Variants in NHS observed in about 807,000 individuals in gnomAD.
NHS encodes the protein actin remodeling regulator NHS.
Under a neutral mutation model 72.5 loss-of-function variants are expected in NHS, and 5 were observed. That is an observed-to-expected ratio of 0.07 (90% CI 0.04 to 0.14). NHS has a LOEUF of 0.14. Ranked by LOEUF, NHS falls within the 10% of genes least tolerant of loss-of-function variation. The probability of loss-of-function intolerance (pLI) is 1.00; values close to 1 mark genes in which losing one functional copy is unlikely to be tolerated. For synonymous variants in NHS, 464 were observed against 547.7 expected (o/e 0.85, Z 2.13); for missense variants, 1,072 against 1,355.7 (o/e 0.79, Z 3.29).
chrX:17,451,642 C>T (rs974024513), intron 1 of NHS, among the ~76,000 whole-genome samples: 32 of 111,891 alleles, frequency 2.9e-4, no homozygotes, highest in African/African-American at 1.0e-3. Flanking sequence ...GGTCAGCTGA[C>T]TCCAGTTCTA....
At position 17,717,747 on chromosome X, in the gene NHS, A is replaced by G. The variant is rs956674021; in HGVS notation, c.853-1597A>G. Among the ~76,000 whole-genome samples the G allele has an allele frequency of 7.1e-5, 8 of 112,173 alleles. No individual in the cohort carries two copies. The Admixed American group carries it at 7.5e-4, about 11-fold the overall frequency. On this transcript the variant is annotated intron_variant, in intron 3 of 8. Transcript: ENST00000676302. Reference sequence around the variant, plus strand: ...GTGCAGGGCCCTATGGGACTGCTACACAGATCACACACTCATGAAATTGGC... The same window carrying G: ...GTGCAGGGCCCTATGGGACTGCTACGCAGATCACACACTCATGAAATTGGC...
intron 1 of NHS, among the ~76,000 whole-genome samples, chrX:17,573,429 G>T (rs986819048): frequency 1.7e-4 from 18 of 108,774 alleles, no homozygotes; most frequent in Non-Finnish European, 2.9e-4. Context: ...TCATTAATTT[G>T]ATCTTCAATC....
chrX:17,679,115 G>A (rs1389914381), intron 1 of NHS, among the ~76,000 whole-genome samples: 1 of 109,980 alleles, frequency 9.1e-6, no homozygotes, highest in Non-Finnish European at 1.9e-5. Context: ...CTAAGGTTGT[G>A]CCCTCCCCCA....
chrX:17,504,561 A>G (rs2065048345), intron 1 of NHS, among the ~76,000 whole-genome samples: 1 of 111,443 alleles, frequency 9.0e-6, no homozygotes, highest in African/African-American at 3.3e-5. Flanking sequence ...CTTCCCATAT[A>G]TTCTTGGGCT....
chrX:17,453,147 C>T (rs1209389753), intron 1 of NHS, among the ~76,000 whole-genome samples: 1 of 110,761 alleles, frequency 9.0e-6, no homozygotes, highest in Non-Finnish European at 1.9e-5. Context: ...CTCCCCCCAC[C>T]ACCAAAAATT....
At chrX:17,532,662 A>C (rs1376992556) in intron 1 of NHS, among the ~76,000 whole-genome samples, 1 of 111,742 alleles carries the variant, frequency 8.9e-6, no homozygotes, top group Non-Finnish European at 1.9e-5. Flanking sequence ...TGCCAACATT[A>C]TTGGAAGAAA....
intron 1 of NHS, chrX:17,586,407 T>C (rs1037511989): frequency 1.8e-5 from 2 of 111,880 alleles, no homozygotes; most frequent in Admixed American, 9.5e-5. Flanking sequence ...CTCAAACACA[T>C]ACAAAGGAAA....
intron 1 of NHS, among the ~76,000 whole-genome samples, chrX:17,378,260 G>A (rs1397799161): frequency 8.9e-6 from 1 of 111,801 alleles, no homozygotes; most frequent in Non-Finnish European, 1.9e-5. Context: ...AGTTAGTAGA[G>A]ATAAGAGAGG....
chrX:17,670,031 A>G (rs911978303), intron 1 of NHS, among the ~76,000 whole-genome samples: 1 of 111,314 alleles, frequency 9.0e-6, no homozygotes, highest in Admixed American at 9.5e-5. Flanking sequence ...TTCGCAGAAA[A>G]CCCCATCACA....
At chrX:17,605,075 C>T (rs1318954291) in intron 1 of NHS, among the ~76,000 whole-genome samples, 2 of 112,010 alleles carry the variant, frequency 1.8e-5, no homozygotes, top group Non-Finnish European at 3.8e-5. Flanking sequence ...TCTGCTCTTA[C>T]ACTGACATAA....
intron 1 of NHS, among the ~76,000 whole-genome samples, chrX:17,425,568 A>AAAAAAAAAAAAAAAAAAAAAAAAAG (rs2064651928): frequency 3.9e-5 from 3 of 77,076 alleles, no homozygotes; most frequent in East Asian, 4.3e-4. Flanking sequence ...AAAAAAAAAA[A>AAAAAAAAAAAAAAAAAAAAAAAAAG]AAAGAAAGAA....
At chrX:17,399,110 T>TA (rs1343043935) in intron 1 of NHS, among the ~76,000 whole-genome samples, 1 of 106,639 alleles carries the variant, frequency 9.4e-6, no homozygotes, top group Non-Finnish European at 1.9e-5. Context: ...TTTTCTTTTC[T>TA]TTTTTTTTTC....
chrX:17,659,158 T>A (rs1427998395), intron 1 of NHS, among the ~76,000 whole-genome samples: 3 of 111,995 alleles, frequency 2.7e-5, no homozygotes, highest in African/African-American at 9.7e-5. Flanking sequence ...CCCACCCACA[T>A]TCCATGGCCA....
Position 17,376,190 on chromosome X carries a change from C to G in NHS, c.433C>G (p.His145Asp). 1 of 1,190,508 alleles carries G rather than the reference C, an allele frequency of 8.4e-7. No individual in the cohort carries two copies. The highest frequency in any genetic ancestry group is 1.1e-6 in the Non-Finnish European group (1 of 890,778). ...VLRQLSDVAR[H>D]ACSLFQELES... is the part of the protein sequence containing the mutation. Reference sequence around the variant, plus strand: ...CCGGCAGCTCTCGGACGTGGCCCGGCACGCTTGCAGCCTCTTCCAGGAGCT... The same window carrying G: ...CCGGCAGCTCTCGGACGTGGCCCGGGACGCTTGCAGCCTCTTCCAGGAGCT... The change falls in exon 1 of 9, where the codon CAC becomes GAC. Residue 145 changes from histidine to aspartate, a missense_variant. Coordinates refer to ENST00000676302, the MANE Select transcript of NHS (RefSeq NM_001291867.2).
At chrX:17,537,599 G>A (rs1363390821) in intron 1 of NHS, among the ~76,000 whole-genome samples, 1 of 112,352 alleles carries the variant, frequency 8.9e-6, no homozygotes, top group African/African-American at 3.2e-5. Flanking sequence ...CCCCCAAAAT[G>A]GAGGTGGCCT....
chrX:17,427,891 T>A (rs886111470), intron 1 of NHS, among the ~76,000 whole-genome samples: 44 of 112,617 alleles, frequency 3.9e-4, no homozygotes, highest in African/African-American at 1.3e-3. Context: ...TCCAGCACAT[T>A]GTGTATTCTC....
Position 17,704,449 on chromosome X carries a change from C to T in NHS, c.852+11981C>T, listed in dbSNP as rs747930948. Among the ~76,000 whole-genome samples the T allele has an allele frequency of 8.2e-5, 9 of 109,819 alleles. No homozygotes were observed. In the South Asian group the frequency reaches 1.2e-3, roughly 15 times the overall value. On this transcript the variant is annotated intron_variant, in intron 3 of 8. Transcript: ENST00000676302. ...CCGAGTAGCTGGGATTACAGTTACG[C>T]GCCACCACGCCTGGCTAATTTTTTG...
At chrX:17,398,825 C>T (rs893644766) in intron 1 of NHS, among the ~76,000 whole-genome samples, 2 of 111,995 alleles carry the variant, frequency 1.8e-5, no homozygotes, top group Non-Finnish European at 3.8e-5. Context: ...AAGCAAATCA[C>T]GAGACCAGTT....
intron 3 of NHS, among the ~76,000 whole-genome samples, chrX:17,694,338 T>A (rs1247181040): frequency 8.9e-6 from 1 of 112,326 alleles, no homozygotes; most frequent in African/African-American, 3.2e-5. Flanking sequence ...TAGGCCTGGA[T>A]AGAACATAGT....
Sources: allele counts gnomAD v4.1 joint callset (sites outside exome capture counted in the v4.1 genomes callset), GRCh38; gene constraint gnomAD v4.1.1; transcripts MANE v1.5; gene names NCBI Gene and HGNC (gene_info 2026-07-23, HGNC 2026-07-21).